PRSS3: variants seen among roughly 807,000 people sequenced by gnomAD.
PRSS3 encodes trypsin-3.
A neutral mutation model predicts 20.8 loss-of-function variants in PRSS3; 14 were observed. That is an observed-to-expected ratio of 0.67 (90% CI 0.44 to 1.05). The LOEUF is 1.05. PRSS3 is among the 50% of genes least tolerant of loss of function. The probability of loss-of-function intolerance (pLI) is 0.00; values close to 1 mark genes in which losing one functional copy is unlikely to be tolerated. For missense variants in PRSS3, 237 were observed against 306.4 expected (o/e 0.77, Z 1.69); for synonymous variants, 91 against 117.6 (o/e 0.77, Z 1.46).
Position 33,797,930 on chromosome 9 carries a change from G to C in PRSS3, c.302G>C (p.Arg101Thr). The C allele has an allele frequency of 6.3e-7, 1 of 1,582,632 alleles. No individual in the cohort carries two copies. Among genetic ancestry groups the C allele is most frequent in the Non-Finnish European group, 8.6e-7 (1 of 1,166,132 alleles). ...ATCATCCGCCACCCTAAATACAACA[G>C]GGACACTCTGGACAATGACATCATG... is the stretch of plus-strand genomic sequence containing the variant. ...AKIIRHPKYNRDTLDNDIMLI... is the reference protein window; with the variant it reads ...AKIIRHPKYNTDTLDNDIMLI... The change falls in exon 3 of 5, where the codon AGG becomes ACG. Residue 101 changes from arginine (R) to threonine (T), a missense_variant. Coordinates refer to ENST00000379405, the MANE Select transcript of PRSS3 (RefSeq NM_002771.4).
intron 1 of PRSS3, among the ~76,000 whole-genome samples, chr9:33,779,867 T>TAAAAA (rs35501160): frequency 3.5e-4 from 11 of 31,852 alleles, no homozygotes; most frequent in African/African-American, 1.3e-3. Flanking sequence ...AGACTCTGTC[T>TAAAAA]AAAAAAAAAA....
intron 1 of PRSS3, among the ~76,000 whole-genome samples, chr9:33,788,395 A>G (rs1192098986): frequency 1.3e-5 from 2 of 152,208 alleles, no homozygotes; most frequent in Non-Finnish European, 2.9e-5. Context: ...CTGATCTGCA[A>G]AACTGAATTT....
upstream of PRSS3, among the ~76,000 whole-genome samples, chr9:33,790,662 G>A (rs1824591325): frequency 6.6e-6 from 1 of 152,100 alleles, no homozygotes; most frequent in Non-Finnish European, 1.5e-5. Context: ...ATCATTTACT[G>A]AAAGCGATGT....
intron 1 of PRSS3, among the ~76,000 whole-genome samples, chr9:33,767,409 T>G (rs1188961278): frequency 3.9e-5 from 6 of 152,250 alleles, no homozygotes; most frequent in Non-Finnish European, 5.9e-5. Context: ...GTGTATGTGA[T>G]GAAGTCCTCA....
chr9:33,781,884 C>T (rs961727509), intron 1 of PRSS3, among the ~76,000 whole-genome samples: 2 of 152,186 alleles, frequency 1.3e-5, no homozygotes, highest in Non-Finnish European at 2.9e-5. Flanking sequence ...ACCTGGCAGG[C>T]TTACAGGGTG....
intron 1 of PRSS3, among the ~76,000 whole-genome samples, chr9:33,787,568 C>T (rs981837188): frequency 5.3e-5 from 8 of 152,140 alleles, no homozygotes; most frequent in Non-Finnish European, 8.8e-5. Context: ...TACTCTATTC[C>T]GTTTACTATG....
At chr9:33,764,350 A>G (rs760777990) in intron 1 of PRSS3, among the ~76,000 whole-genome samples, 1 of 152,236 alleles carries the variant, frequency 6.6e-6, no homozygotes, top group Non-Finnish European at 1.5e-5. Flanking sequence ...CCTGGCCAAC[A>G]TGGTGAAACC....
chr9:33,792,407 G>A (rs1264737510), upstream of PRSS3, among the ~76,000 whole-genome samples: 3 of 152,214 alleles, frequency 2.0e-5, no homozygotes, highest in East Asian at 3.9e-4. Context: ...ATGTAGCAAC[G>A]TGAAGAGGAA....
chr9:33,751,576 A>G (rs531149688), intron 1 of PRSS3, among the ~76,000 whole-genome samples: 15 of 152,250 alleles, frequency 9.9e-5, no homozygotes, highest in Admixed American at 5.9e-4. Flanking sequence ...AGAAATGGCC[A>G]CTTCTTTCAC....
chr9:33,761,820 A>G (rs1253481398), intron 1 of PRSS3, among the ~76,000 whole-genome samples: 2 of 152,220 alleles, frequency 1.3e-5, no homozygotes, highest in East Asian at 3.8e-4. Flanking sequence ...CGGAGGTTGC[A>G]GTGAGTTGAG....
chr9:33,769,651 G>T (rs1481667256), intron 1 of PRSS3, among the ~76,000 whole-genome samples: 1 of 152,240 alleles, frequency 6.6e-6, no homozygotes, highest in Non-Finnish European at 1.5e-5. Context: ...CTAGTTCAGA[G>T]ATCTGCCAGG....
chr9:33,785,032 ATGT>A (rs1010044364), intron 1 of PRSS3, among the ~76,000 whole-genome samples: 3 of 152,302 alleles, frequency 2.0e-5, no homozygotes, highest in African/African-American at 7.2e-5. Flanking sequence ...ACTTAAATAA[ATGT>A]ATGAAAAGCA....
At chr9:33,763,319 A>G (rs1170103472) in intron 1 of PRSS3, among the ~76,000 whole-genome samples, 1 of 152,222 alleles carries the variant, frequency 6.6e-6, no homozygotes, top group Non-Finnish European at 1.5e-5. Context: ...TTTTAAGTAT[A>G]TTCTTTTGGT....
chr9:33,785,160 A>ATTTTTTTTTTTTTT lies in PRSS3; in HGVS notation c.-52-9564_-52-9551dup, dbSNP rs74180504. ...GAAAAAGATCATAGCATTGTGGTCA[A>ATTTTTTTTTTTTTT]TTTTTTTTTTTTTTTTTTTTTTTTT... On this transcript the variant is annotated intron_variant, in intron 1 of 5. Transcript: ENST00000342836. Among the ~76,000 whole-genome samples, 87 of 72,480 alleles carry ATTTTTTTTTTTTTT rather than the reference A, an allele frequency of 1.2e-3. 6 individuals are homozygous for ATTTTTTTTTTTTTT. Among genetic ancestry groups the ATTTTTTTTTTTTTT allele is most frequent in the African/African-American group, 1.7e-3 (23 of 13,324 alleles). The allele number at this position is 72,480 out of a possible 152,430, so 47.5% of individuals were successfully genotyped here. A position where few individuals can be genotyped will look rare whatever the true frequency, so the allele number is the denominator to read the frequency against.
intron 1 of PRSS3, among the ~76,000 whole-genome samples, chr9:33,768,341 G>A (rs1375348072): frequency 5.3e-5 from 8 of 151,658 alleles, no homozygotes; most frequent in Non-Finnish European, 1.0e-4. Flanking sequence ...TTAGCCAGGC[G>A]TGGTGGCATG....
upstream of PRSS3, among the ~76,000 whole-genome samples, chr9:33,791,993 G>A (rs1824653935): frequency 6.6e-6 from 1 of 152,130 alleles, no homozygotes; most frequent in African/African-American, 2.4e-5. Context: ...ACTCCATTTA[G>A]CTGATCAGCC....
intron 1 of PRSS3, among the ~76,000 whole-genome samples, chr9:33,785,345 T>A (rs1824355674): frequency 6.6e-6 from 1 of 150,504 alleles, no homozygotes; most frequent in South Asian, 2.1e-4. Flanking sequence ...GCCCGGCTAA[T>A]TTTTTGTATT....
chr9:33,776,297 T>C (rs1823928629), intron 1 of PRSS3, among the ~76,000 whole-genome samples: 1 of 151,906 alleles, frequency 6.6e-6, no homozygotes, highest in Non-Finnish European at 1.5e-5. Context: ...ACACATAGGA[T>C]GATGTTAAAT....
At chr9:33,794,790 GGATGCACAT>G (rs767844335), upstream of PRSS3, 9 of 1,550,774 alleles carry the variant, frequency 5.8e-6, no homozygotes, top group South Asian at 8.3e-5. Context: ...ACCTATGACA[GGATGCACAT>G]GAGAGAGACA....
Sources: gnomAD v4.1 joint callset for allele counts (sites outside exome capture counted in the v4.1 genomes callset) on GRCh38, gnomAD v4.1.1 for gene constraint, MANE v1.5 for transcripts, NCBI Gene and HGNC (gene_info 2026-07-23, HGNC 2026-07-21) for gene names.